The following TAS1R3 variants were observed in gnomAD, a reference collection of about 807,000 sequenced individuals.
TAS1R3 encodes taste receptor type 1 member 3.
TAS1R3 carries 58 observed loss-of-function variants against 46.1 expected under a neutral mutation model. That is an observed-to-expected ratio of 1.26 (90% CI 1.02 to 1.57). The LOEUF is 1.57. Ranked by LOEUF, TAS1R3 falls within the 40% of genes most tolerant of loss-of-function variation. TAS1R3 has a pLI of 0.00. For missense variants in TAS1R3, 1,422 were observed against 1,185.8 expected (o/e 1.20, Z -2.93); for synonymous variants, 724 against 544.7 (o/e 1.33, Z -4.58).
chr1:1,333,404 G>A (rs1282385978), intron 5 of TAS1R3, 25 bp downstream of exon 5: 3 of 1,611,268 alleles, frequency 1.9e-6, no homozygotes, highest in Non-Finnish European at 2.5e-6. Context: ...CGGCAGGCGG[G>A]GGTGGGAACG....
chr1:1,331,845 G>A lies in TAS1R3; in HGVS notation c.399G>A (p.Gln133=). 1.2e-6 allele frequency: 2 copies of A among 1,612,924 alleles called. No individual in the cohort carries two copies. Among genetic ancestry groups the A allele is most frequent in the Non-Finnish European group, 8.5e-7 (1 of 1,180,026 alleles). The part of the protein sequence containing the change: ...RDIAAYCNYT[Q]YQPRVLAVIG... ...TCGCCGCCTACTGCAACTACACGCA[G>A]TACCAGCCCCGTGTGCTGGCTGTCA... is the stretch of plus-strand genomic sequence containing the variant. Residue 133 remains glutamine (Q), a synonymous_variant, in exon 2 of 6, where the codon CAG becomes CAA. Transcript: ENST00000339381.
In TAS1R3 at chr1:1,331,735, T is replaced by A. The variant is rs1244248740; in HGVS notation, c.289T>A (p.Tyr97Asn). 1.2e-6 allele frequency: 2 copies of A among 1,612,854 alleles called. No homozygotes were observed. The highest frequency in any genetic ancestry group is 2.7e-5 in the African/African-American group (2 of 74,940). The stretch of plus-strand genomic sequence containing the variant: ...TCTGCTGCCCGGGCTGCGCCTGGGC[T>A]ACGACCTCTTTGATACGTGCTCGGA... ...SDLLPGLRLG[Y>N]DLFDTCSEPV... The change falls in exon 2 of 6, where the codon TAC becomes AAC. Residue 97 changes from tyrosine (Y) to asparagine (N), a missense_variant. Transcript: ENST00000339381.
rs200367651 is a variant in TAS1R3, at chr1:1,331,821, C to T, written c.375C>T (p.Ile125=). 6.1e-5 allele frequency: 99 copies of T among 1,612,842 alleles called. No individual in the cohort carries two copies. The highest frequency in any genetic ancestry group is 3.3e-4 in the Middle Eastern group (2 of 6,062). ...MFLAKAGSRD[I]AAYCNYTQYQ... ...TGGCCAAGGCAGGCAGCCGCGACAT[C>T]GCCGCCTACTGCAACTACACGCAGT... The change falls in exon 2 of 6, where the codon ATC becomes ATT. Residue 125 remains isoleucine, a synonymous_variant. Transcript: ENST00000339381.
rs767857667 is a variant in TAS1R3 at position 1,333,491 on chromosome 1, TCTC to T, written c.1601-11_1601-9del. On this transcript the variant is annotated splice_polypyrimidine_tract_variant and intron_variant, in intron 5 of 5. Transcript: ENST00000339381. ...GTACAAGACGAACACCCAGCGCCCT[TCTC>T]CTCTCTCACAGACGACATCGCCTGC... The T allele has an allele frequency of 6.6e-5, 105 of 1,599,928 alleles. No homozygotes were observed. Among genetic ancestry groups the T allele is most frequent in the Non-Finnish European group, 8.5e-5 (100 of 1,176,932 alleles).
Position 1,331,740 on chromosome 1 carries a change from C to A in TAS1R3, c.294C>A (p.Asp98Glu). The A allele has an allele frequency of 2.5e-6, 4 of 1,612,988 alleles. No homozygotes were observed. The highest frequency in any genetic ancestry group is 3.4e-6 in the Non-Finnish European group (4 of 1,180,034). Residue 98 changes from aspartate to glutamate, a missense_variant, in exon 2 of 6, where the codon GAC (aspartate) becomes GAA (glutamate). Transcript: ENST00000339381. Reference sequence around the variant, plus strand: ...TGCCCGGGCTGCGCCTGGGCTACGACCTCTTTGATACGTGCTCGGAGCCTG... The same window carrying A: ...TGCCCGGGCTGCGCCTGGGCTACGAACTCTTTGATACGTGCTCGGAGCCTG... Reference protein sequence around the residue: ...DLLPGLRLGYDLFDTCSEPVV... With the variant: ...DLLPGLRLGYELFDTCSEPVV...
In TAS1R3 at chr1:1,333,804, C is replaced by T. The variant is rs1423867984; in HGVS notation, c.1899C>T (p.Cys633=). The T allele has an allele frequency of 1.3e-6, 2 of 1,596,106 alleles. No individual in the cohort carries two copies. The highest frequency in any genetic ancestry group is 1.7e-6 in the Non-Finnish European group (2 of 1,176,768). Residue 633 remains cysteine (C), a synonymous_variant, in exon 6 of 6, where the codon TGC becomes TGT. Transcript: ENST00000339381. ...CTGGCCAGCCCAGCCCTGCCCGATG[C>T]CTGGCCCAGCAGCCCTTGTCCCACC... The part of the protein sequence containing the change: ...LFPGQPSPAR[C]LAQQPLSHLP...
Position 1,334,070 on chromosome 1 carries a change from G to A in TAS1R3, c.2165G>A (p.Cys722Tyr). The change falls in exon 6 of 6, where the codon TGC (cysteine) becomes TAC (tyrosine). Residue 722 changes from cysteine (C) to tyrosine (Y), a missense_variant. Coordinates refer to ENST00000339381, the MANE Select transcript of TAS1R3 (RefSeq NM_152228.3). Reference sequence around the variant, plus strand: ...CTGCCCACGGAGGCGCTGGTGCACTGCCGCACACGCTCCTGGGTCAGCTTC... The same window carrying A: ...CTGCCCACGGAGGCGCTGGTGCACTACCGCACACGCTCCTGGGTCAGCTTC... ...HMLPTEALVH[C>Y]RTRSWVSFGL... 6.3e-7 allele frequency: 1 copy of A among 1,598,038 alleles called. No homozygotes were observed. Among genetic ancestry groups the A allele is most frequent in the Non-Finnish European group, 8.5e-7 (1 of 1,175,614 alleles).
At position 1,333,614 on chromosome 1, in the gene TAS1R3, T is replaced by A. The variant is rs1643483792; in HGVS notation, c.1709T>A (p.Leu570Gln). Reference sequence around the variant, plus strand: ...CTGGCATGGGGCGAGCCGGCTGTGCTGCTGCTGCTCCTGCTGCTGAGCCTG... The same window carrying A: ...CTGGCATGGGGCGAGCCGGCTGTGCAGCTGCTGCTCCTGCTGCTGAGCCTG... ...RFLAWGEPAV[L>Q]LLLLLLSLAL... Residue 570 changes from leucine (L) to glutamine (Q), a missense_variant, in exon 6 of 6, where the codon CTG (leucine) becomes CAG (glutamine). Coordinates refer to ENST00000339381, the MANE Select transcript of TAS1R3 (RefSeq NM_152228.3). 1.2e-6 allele frequency: 2 copies of A among 1,610,540 alleles called. No individual in the cohort carries two copies. The highest frequency in any genetic ancestry group is 1.7e-6 in the Non-Finnish European group (2 of 1,179,768).
Position 1,331,373 on chromosome 1 carries a change from A to T in TAS1R3, c.28A>T (p.Ser10Cys). 2 of 1,598,898 alleles carry T rather than the reference A, an allele frequency of 1.3e-6. No individual in the cohort carries two copies. Among genetic ancestry groups the T allele is most frequent in the South Asian group, 2.2e-5 (2 of 89,674 alleles). The change falls in exon 1 of 6, where the codon AGC becomes TGC. Residue 10 changes from serine (S) to cysteine (C), a missense_variant. Physicochemically the swap from Ser to Cys is moderately radical, Grantham distance 112. Coordinates refer to ENST00000339381, the MANE Select transcript of TAS1R3 (RefSeq NM_152228.3). Reference sequence around the variant, plus strand: ...GCTGGGCCCTGCTGTCCTGGGCCTCAGCCTCTGGGCTCTCCTGCACCCTGG... The same window carrying T: ...GCTGGGCCCTGCTGTCCTGGGCCTCTGCCTCTGGGCTCTCCTGCACCCTGG... MLGPAVLGL[S>C]LWALLHPGTG...
Position 1,331,904 on chromosome 1 carries a change from C to T in TAS1R3, c.458C>T (p.Thr153Ile). 6.2e-7 allele frequency: 1 copy of T among 1,612,458 alleles called. No homozygotes were observed. The highest frequency in any genetic ancestry group is 8.5e-7 in the Non-Finnish European group (1 of 1,179,662). The part of the protein sequence containing the change: ...GPHSSELAMV[T>I]GKFFSFFLMP... ...CACTCGTCAGAGCTCGCCATGGTCA[C>T]CGGCAAGTTCTTCAGCTTCTTCCTC... Residue 153 changes from threonine to isoleucine, a missense_variant, in exon 2 of 6, where the codon ACC becomes ATC. Coordinates refer to ENST00000339381, the MANE Select transcript of TAS1R3 (RefSeq NM_152228.3).
Position 1,331,497 on chromosome 1 carries a change from T to G in TAS1R3, c.152T>G (p.Leu51Arg). 6.2e-7 allele frequency: 1 copy of G among 1,605,052 alleles called. No homozygotes were observed. Residue 51 changes from leucine to arginine, a missense_variant, in exon 1 of 6, where the codon CTC (leucine) becomes CGC (arginine). Transcript: ENST00000339381. ...FPLGEAEEAG[L>R]RSRTRPSSPV... ...CTGGGCGAGGCCGAGGAGGCTGGCC[T>G]CCGCAGCCGGACACGGCCCAGCAGC...
chr1:1,334,160 G>T lies in TAS1R3; in HGVS notation c.2255G>T (p.Arg752Leu). Residue 752 changes from arginine to leucine, a missense_variant, in exon 6 of 6, where the codon CGG (arginine) becomes CTG (leucine). Arg to Leu is a moderately radical substitution (Grantham distance 102). Coordinates refer to ENST00000339381, the MANE Select transcript of TAS1R3 (RefSeq NM_152228.3). ...FLCFLGTFLV[R>L]SQPGCYNRAR... ...TGCTTCCTGGGCACTTTCCTGGTGC[G>T]GAGCCAGCCGGGCTGCTACAACCGT... 1.3e-6 allele frequency: 2 copies of T among 1,586,762 alleles called. No homozygotes were observed. Among genetic ancestry groups the T allele is most frequent in the Non-Finnish European group, 1.7e-6 (2 of 1,166,630 alleles).
Position 1,331,375 on chromosome 1 carries a change from C to T in TAS1R3, c.30C>T (p.Ser10=). 1.2e-6 allele frequency: 2 copies of T among 1,600,830 alleles called. No individual in the cohort carries two copies. Among genetic ancestry groups the T allele is most frequent in the Non-Finnish European group, 1.7e-6 (2 of 1,174,424 alleles). Residue 10 remains serine, a synonymous_variant, in exon 1 of 6, where the codon AGC becomes AGT. Coordinates refer to ENST00000339381, the MANE Select transcript of TAS1R3 (RefSeq NM_152228.3). MLGPAVLGL[S]LWALLHPGTG... Reference sequence around the variant, plus strand: ...TGGGCCCTGCTGTCCTGGGCCTCAGCCTCTGGGCTCTCCTGCACCCTGGGA... The same window carrying T: ...TGGGCCCTGCTGTCCTGGGCCTCAGTCTCTGGGCTCTCCTGCACCCTGGGA...
Position 1,332,421 on chromosome 1 carries a change from G to A in TAS1R3, c.890G>A (p.Trp297Ter), listed in dbSNP as rs772007858. ...AGCAGCAGGCTCTCGCCCAAGGTGT[G>A]GGTGGCCAGCGAGGCCTGGCTGACC... ...SISSRLSPKV[W>*]VASEAWLTSD... is the part of the protein sequence containing the mutation. Residue 297 changes from tryptophan (W) to a stop codon, truncating the protein, a stop_gained, in exon 3 of 6, where the codon TGG becomes TAG. Transcript: ENST00000339381. LOFTEE classifies it high-confidence loss of function. The A allele has an allele frequency of 6.2e-7, 1 of 1,606,746 alleles. No homozygotes were observed. Among genetic ancestry groups the A allele is most frequent in the Middle Eastern group, 1.7e-4 (1 of 6,060 alleles).
In TAS1R3 at chr1:1,333,955, G is replaced by T; in HGVS notation, c.2050G>T (p.Val684Leu). Residue 684 changes from valine to leucine, a missense_variant, in exon 6 of 6, where the codon GTG (valine) becomes TTG (leucine). Transcript: ENST00000339381. ...GCLRGPWAWL[V>L]VLLAMLVEVA... is the part of the protein sequence containing the mutation. ...CCTGCGGGGGCCCTGGGCCTGGCTG[G>T]TGGTGCTGCTGGCCATGCTGGTGGA... The T allele has an allele frequency of 6.2e-7, 1 of 1,600,750 alleles. No homozygotes were observed. Among genetic ancestry groups the T allele is most frequent in the Non-Finnish European group, 8.5e-7 (1 of 1,179,638 alleles).
At position 1,332,026 on chromosome 1, in the gene TAS1R3, C is replaced by T; in HGVS notation, c.495C>T (p.Val165=). The T allele has an allele frequency of 6.7e-7, 1 of 1,492,818 alleles. No individual in the cohort carries two copies. Among genetic ancestry groups the T allele is most frequent in the Non-Finnish European group, 9.0e-7 (1 of 1,110,186 alleles). 92.5% of individuals were successfully genotyped at this position (1,492,818 alleles called of 1,614,324 possible). Residue 165 remains valine, a splice_region_variant and synonymous_variant, in exon 3 of 6, where the codon GTC becomes GTT. Transcript: ENST00000339381. ...KFFSFFLMPQ[V]SYGASMELLS... The stretch of plus-strand genomic sequence containing the variant: ...GAGATGCCTCTTGGCCCTTGCAGGT[C>T]AGCTACGGTGCTAGCATGGAGCTGC...
In TAS1R3 at chr1:1,334,918, G is replaced by T. The variant is rs977388715; in HGVS notation, c.*454G>T. ...GTGGGAGGCCAGGTGGGGGCACACA[G>T]GCATATGCCCAGGGCAGAGCCCGCC... On this transcript the variant is annotated 3_prime_UTR_variant, in exon 6 of 6. Coordinates refer to ENST00000339381, the MANE Select transcript of TAS1R3 (RefSeq NM_152228.3). 2 of 163,740 alleles carry T rather than the reference G, an allele frequency of 1.2e-5. No homozygotes were observed. Among genetic ancestry groups the T allele is most frequent in the Non-Finnish European group, 2.6e-5 (2 of 75,520 alleles). 10.1% of individuals were successfully genotyped at this position (163,740 alleles called of 1,614,324 possible). A position where few individuals can be genotyped will look rare whatever the true frequency, so the allele number is the denominator to read the frequency against.
Position 1,331,431 on chromosome 1 carries a change from T to A in TAS1R3, c.86T>A (p.Leu29His), listed in dbSNP as rs1474915529. ...GCCCCATTGTGCCTGTCACAGCAAC[T>A]TAGGATGAAGGGGGACTACGTGCTG... The part of the protein sequence containing the change: ...TGAPLCLSQQ[L>H]RMKGDYVLGG... The change falls in exon 1 of 6, where the codon CTT becomes CAT. Residue 29 changes from leucine to histidine, a missense_variant. Transcript: ENST00000339381. 6.2e-7 allele frequency: 1 copy of A among 1,604,672 alleles called. No homozygotes were observed. Among genetic ancestry groups the A allele is most frequent in the East Asian group, 2.2e-5 (1 of 44,794 alleles).
rs1643448214 is a variant in TAS1R3, at chr1:1,332,342, G to A, written c.811G>A (p.Val271Met). The change falls in exon 3 of 6, where the codon GTG (valine) becomes ATG (methionine). Residue 271 changes from valine to methionine, a missense_variant. Physicochemically the swap from Val to Met is conservative, Grantham distance 21. Transcript: ENST00000339381. ...HQVNQSSVQV[V>M]LLFASVHAAH... is the part of the protein sequence containing the mutation. ...GGTGAACCAGAGCAGCGTGCAGGTG[G>A]TGCTGCTGTTCGCCTCCGTGCACGC... The A allele has an allele frequency of 1.2e-6, 2 of 1,606,560 alleles. No homozygotes were observed. The highest frequency in any genetic ancestry group is 1.1e-5 in the South Asian group (1 of 90,366).
Sources: allele counts gnomAD v4.1 joint callset, GRCh38; gene constraint gnomAD v4.1.1; transcripts MANE v1.5; gene names NCBI Gene and HGNC (gene_info 2026-07-23, HGNC 2026-07-21).